The following SERPINB8 variants were observed in gnomAD, a reference collection of about 807,000 sequenced individuals.
The protein encoded by SERPINB8 is serpin B8.
In SERPINB8, 25 loss-of-function variants were observed where a neutral mutation model predicts 35.3. That is an observed-to-expected ratio of 0.71 (90% CI 0.52 to 0.99). The LOEUF is 0.99. Among genes scored for constraint, SERPINB8 ranks in the 50% least tolerant of loss-of-function variants. The probability of loss-of-function intolerance (pLI) is 0.00; values close to 1 mark genes in which losing one functional copy is unlikely to be tolerated. For missense variants in SERPINB8, 484 were observed against 446.5 expected, an observed-to-expected ratio of 1.08 and a Z score of -0.76; for synonymous variants, 186 against 160.8, an observed-to-expected ratio of 1.16 and a Z score of -1.19.
chr18:64,000,670 A>T (rs1012151595), intron 1 of SERPINB8, among the ~76,000 whole-genome samples: 3 of 151,934 alleles, frequency 2.0e-5, no homozygotes, highest in Admixed American at 6.6e-5. Flanking sequence ...CACTGCCAAG[A>T]CCTCCTTATT....
intron 1 of SERPINB8, among the ~76,000 whole-genome samples, chr18:63,998,214 A>G (rs1044068980): frequency 6.6e-6 from 1 of 152,082 alleles, no homozygotes; most frequent in African/African-American, 2.4e-5. Flanking sequence ...CTGGATCCTA[A>G]ATGTAGTTGA....
At position 63,978,365 on chromosome 18, in the gene SERPINB8, G is replaced by A; in HGVS notation, c.57G>A (p.Leu19=). 6.2e-7 allele frequency: 1 copy of A among 1,614,110 alleles called. No individual in the cohort carries two copies. The highest frequency in any genetic ancestry group is 8.5e-7 in the Non-Finnish European group (1 of 1,179,996). Residue 19 remains leucine, a synonymous_variant, in exon 2 of 7, where the codon TTG becomes TTA. Transcript: ENST00000397985. ...GTFAISLFKI[L]GEEDNSRNVF... Reference sequence around the variant, plus strand: ...TTGCCATCAGCTTATTTAAAATATTGGGGGAAGAGGACAACTCAAGAAACG... The same window carrying A: ...TTGCCATCAGCTTATTTAAAATATTAGGGGAAGAGGACAACTCAAGAAACG...
At chr18:63,978,684 G>T (rs1046627294) in intron 2 of SERPINB8, among the ~76,000 whole-genome samples, 6 of 152,190 alleles carry the variant, frequency 3.9e-5, no homozygotes, top group African/African-American at 1.4e-4. Flanking sequence ...GAGAAGTCAA[G>T]CCATAGAGTT....
exon 8 of SERPINB8, chr18:64,019,039 G>A (rs554490982): frequency 1.3e-5 from 2 of 152,142 alleles, no homozygotes; most frequent in Non-Finnish European, 2.9e-5. Context: ...TTCATCTTCA[G>A]GTCTGGAGCT....
intron 6 of SERPINB8, 109 bp downstream of exon 6, chr18:63,985,354 G>C: frequency 2.6e-6 from 3 of 1,166,762 alleles, no homozygotes; most frequent in South Asian, 2.9e-5. Context: ...GGTTATTACA[G>C]GCAGTGCTGG....
At chr18:63,974,347 C>T (rs1397840150) in intron 1 of SERPINB8, among the ~76,000 whole-genome samples, 1 of 152,028 alleles carries the variant, frequency 6.6e-6, no homozygotes, top group Non-Finnish European at 1.5e-5. Flanking sequence ...CATAAATGCT[C>T]TTTGAATAAA....
chr18:64,014,457 A>G (rs1237270845), intron 7 of SERPINB8, among the ~76,000 whole-genome samples: 1 of 152,080 alleles, frequency 6.6e-6, no homozygotes, highest in Non-Finnish European at 1.5e-5. Context: ...GAAGCTTGGG[A>G]GAGAATTCTA....
intron 1 of SERPINB8, among the ~76,000 whole-genome samples, chr18:63,976,927 T>G (rs1429536304): frequency 6.6e-6 from 1 of 152,152 alleles, no homozygotes; most frequent in Non-Finnish European, 1.5e-5. Context: ...TTTTTTGTCT[T>G]TCCAGTAGCC....
intron 7 of SERPINB8, among the ~76,000 whole-genome samples, chr18:64,015,516 T>C (rs1425770346): frequency 6.6e-6 from 1 of 152,200 alleles, no homozygotes; most frequent in Admixed American, 6.5e-5. Context: ...CCTTTCTGCA[T>C]TGAGATTTTT....
chr18:63,978,852 G>A (rs367702125), intron 2 of SERPINB8, among the ~76,000 whole-genome samples: 1 of 143,512 alleles, frequency 7.0e-6, no homozygotes, highest in African/African-American at 2.9e-5. Context: ...ATGTGGGTGC[G>A]TAGATTAACT....
Position 63,987,246 on chromosome 18 carries a change from A to C in SERPINB8, c.1093A>C (p.Ile365Leu). 1 of 1,613,740 alleles carries C rather than the reference A, an allele frequency of 6.2e-7. No homozygotes were observed. The highest frequency in any genetic ancestry group is 8.5e-7 in the Non-Finnish European group (1 of 1,179,722). Reference sequence around the variant, plus strand: ...CATCAGGCACCACAAAACCAACTGCATCTTGTTCTGTGGCAGGTTCTCTTC... The same window carrying C: ...CATCAGGCACCACAAAACCAACTGCCTCTTGTTCTGTGGCAGGTTCTCTTC... ...FFIRHHKTNC[I>L]LFCGRFSSP is the part of the protein sequence containing the mutation. The change falls in exon 7 of 7, where the codon ATC (isoleucine) becomes CTC (leucine). Residue 365 changes from isoleucine (I) to leucine (L), a missense_variant. Transcript: ENST00000397985.
chr18:63,976,658 C>A (rs79226507), intron 1 of SERPINB8, among the ~76,000 whole-genome samples: 1,989 of 152,188 alleles, frequency 0.013, 46 homozygotes, highest in African/African-American at 0.046. Context: ...CAGGAGGAAG[C>A]CTGTTTAGTT....
intron 6 of SERPINB8, chr18:63,986,433 T>G (rs963012551): frequency 4.8e-6 from 7 of 1,457,810 alleles, no homozygotes; most frequent in African/African-American, 1.4e-5. Context: ...AGTTGCCCTC[T>G]GATTTAACCC....
intron 7 of SERPINB8, among the ~76,000 whole-genome samples, chr18:64,011,271 T>G (rs1259759980): frequency 6.6e-6 from 1 of 151,994 alleles, no homozygotes; most frequent in Non-Finnish European, 1.5e-5. Context: ...TCAAGTAAAT[T>G]TAAACAAAAA....
chr18:64,011,884 A>G (rs1024182221), intron 7 of SERPINB8, among the ~76,000 whole-genome samples: 1 of 152,170 alleles, frequency 6.6e-6, no homozygotes, highest in African/African-American at 2.4e-5. Flanking sequence ...TATACATACC[A>G]TATGAAATAA....
chr18:63,996,168 GCT>G (rs1048025799), intron 1 of SERPINB8, among the ~76,000 whole-genome samples: 3 of 152,184 alleles, frequency 2.0e-5, no homozygotes, highest in Non-Finnish European at 2.9e-5. Flanking sequence ...TAATTTATAT[GCT>G]TTTTCAAAAT....
Position 63,987,155 on chromosome 18 carries a change from G to A in SERPINB8, c.1002G>A (p.Val334=), listed in dbSNP as rs927416342. Reference sequence around the variant, plus strand: ...CAGAGGCTGCCGCAGCCACTGCTGTGGTCAGGAATTCCCGGTGCAGCAGAA... The same window carrying A: ...CAGAGGCTGCCGCAGCCACTGCTGTAGTCAGGAATTCCCGGTGCAGCAGAA... ...EGTEAAAATA[V]VRNSRCSRME... Residue 334 remains valine (V), a synonymous_variant, in exon 7 of 7, where the codon GTG becomes GTA. Coordinates refer to ENST00000397985, the MANE Select transcript of SERPINB8 (RefSeq NM_002640.4). The A allele has an allele frequency of 3.0e-5, 49 of 1,614,076 alleles. No individual in the cohort carries two copies. The highest frequency in any genetic ancestry group is 4.0e-5 in the Non-Finnish European group (47 of 1,180,058).
At chr18:63,978,522 G>A (rs185298515) in intron 2 of SERPINB8, 46 bp downstream of exon 2, 1 of 1,599,568 alleles carries the variant, frequency 6.3e-7, no homozygotes, top group Non-Finnish European at 8.5e-7. Context: ...TGTTTCCCTT[G>A]TGCTTCCATA....
chr18:63,987,046 A>G lies in SERPINB8; in HGVS notation c.893A>G (p.Asp298Gly). ...MIDAFDEAKADFSGMSTEKNV... is the reference protein window; with the variant it reads ...MIDAFDEAKAGFSGMSTEKNV... ...GATGCTTTTGACGAAGCCAAGGCAG[A>G]CTTTTCTGGAATGTCAACTGAGAAG... Residue 298 changes from aspartate to glycine, a missense_variant, in exon 7 of 7, where the codon GAC becomes GGC. Coordinates refer to ENST00000397985, the MANE Select transcript of SERPINB8 (RefSeq NM_002640.4). 1 of 1,614,226 alleles carries G rather than the reference A, an allele frequency of 6.2e-7. No individual in the cohort carries two copies. The highest frequency in any genetic ancestry group is 8.5e-7 in the Non-Finnish European group (1 of 1,180,044).
Sources: allele counts gnomAD v4.1 joint callset (sites outside exome capture counted in the v4.1 genomes callset), GRCh38; gene constraint gnomAD v4.1.1; transcripts MANE v1.5; gene names NCBI Gene and HGNC (gene_info 2026-07-23, HGNC 2026-07-21).